Variants in KCTD5 observed in about 807,000 individuals in gnomAD.
KCTD5 encodes the protein potassium channel tetramerization domain containing 5, also known as BTB/POZ domain-containing protein KCTD5.
In KCTD5, 12 loss-of-function variants were observed where a neutral mutation model predicts 27.9. The ratio of observed to expected loss-of-function variants is 0.43; its 90% CI spans 0.28 to 0.70. KCTD5 has a LOEUF of 0.70. KCTD5 is among the 30% of genes least tolerant of loss of function. KCTD5 has a pLI of 0.19. For synonymous variants in KCTD5, 147 were observed against 121.4 expected, an observed-to-expected ratio of 1.21 and a Z score of -1.39; for missense variants, 226 against 274.8, an observed-to-expected ratio of 0.82 and a Z score of 1.26.
At chr16:2,700,192 C>G (rs1351634460) in intron 4 of KCTD5, among the ~76,000 whole-genome samples, 3 of 152,212 alleles carry the variant, frequency 2.0e-5, no homozygotes, top group Admixed American at 2.0e-4. Flanking sequence ...TTCGCATCAT[C>G]TGGCACCTCT....
At chr16:2,693,419 G>A (rs1013126069) in intron 1 of KCTD5, among the ~76,000 whole-genome samples, 1 of 152,234 alleles carries the variant, frequency 6.6e-6, no homozygotes, top group Non-Finnish European at 1.5e-5. Flanking sequence ...CTCCTAAAGG[G>A]GGTGTTTAAT....
chr16:2,693,930 C>G (rs2067578126), intron 1 of KCTD5, among the ~76,000 whole-genome samples: 1 of 148,052 alleles, frequency 6.8e-6, no homozygotes, highest in South Asian at 2.3e-4. Context: ...CCATGGCTGA[C>G]AAAGGGGTTC....
In KCTD5 at chr16:2,682,767, A is replaced by G. The variant is rs762493711; in HGVS notation, c.219A>G (p.Leu73=). Reference sequence around the variant, plus strand: ...ACCCGAAATCCTTCCTGTACCGCTTATGCCAGGCCGATCCCGACCTGGACT... The same window carrying G: ...ACCCGAAATCCTTCCTGTACCGCTTGTGCCAGGCCGATCCCGACCTGGACT... The part of the protein sequence containing the change: ...CRDPKSFLYR[L]CQADPDLDSD... Residue 73 remains leucine (L), a synonymous_variant, in exon 1 of 6, where the codon TTA becomes TTG. Transcript: ENST00000301738. 1.9e-6 allele frequency: 3 copies of G among 1,604,572 alleles called. No individual in the cohort carries two copies. The highest frequency in any genetic ancestry group is 1.7e-6 in the Non-Finnish European group (2 of 1,176,344).
intron 1 of KCTD5, among the ~76,000 whole-genome samples, 191 bp from the exon 2 acceptor site, chr16:2,695,743 AG>A (rs2067584098): frequency 2.2e-5 from 1 of 46,044 alleles, no homozygotes; most frequent in East Asian, 3.2e-4. Context: ...GTGGCTGGTC[AG>A]GGTTAGGCTG....
chr16:2,703,641 C>T (rs566432154), intron 5 of KCTD5, among the ~76,000 whole-genome samples: 4 of 152,302 alleles, frequency 2.6e-5, no homozygotes, highest in South Asian at 2.1e-4. Context: ...CGGAGGCCTG[C>T]GGCCAGCTCA....
At position 2,689,927 on chromosome 16, in the gene KCTD5, T is replaced by C. The variant is rs142394574; in HGVS notation, c.253-6008T>C. On this transcript the variant is annotated intron_variant, in intron 1 of 5. Coordinates refer to ENST00000301738, the MANE Select transcript of KCTD5 (RefSeq NM_018992.4). ...CTCACCTCAGGTAATCCGCCTGCCT[T>C]GGCCTCCCAAAGTGCTGGGATCACA... Among the ~76,000 whole-genome samples the C allele has an allele frequency of 7.7e-3, 1,177 of 152,312 alleles. 13 individuals are homozygous for C. Among genetic ancestry groups the C allele is most frequent in the African/African-American group, 0.027 (1,119 of 41,570 alleles).
At chr16:2,687,565 A>G (rs114937219) in intron 1 of KCTD5, among the ~76,000 whole-genome samples, 1,698 of 152,236 alleles carry the variant, frequency 0.011, 26 homozygotes, top group African/African-American at 0.037. Context: ...TTGCTTACGG[A>G]TTGTGTGTGG....
chr16:2,693,662 TG>T (rs2067576938), intron 1 of KCTD5, among the ~76,000 whole-genome samples: 1 of 152,186 alleles, frequency 6.6e-6, no homozygotes, highest in African/African-American at 2.4e-5. Flanking sequence ...GGTTGCCTCG[TG>T]TGTCTGGGGG....
At chr16:2,692,358 G>T (rs2067570226) in intron 1 of KCTD5, among the ~76,000 whole-genome samples, 1 of 152,328 alleles carries the variant, frequency 6.6e-6, no homozygotes, top group South Asian at 2.1e-4. Flanking sequence ...ACAGTGCAGA[G>T]GAGACTGTGG....
At chr16:2,707,226 T>G in intron 5 of KCTD5, 72 bp from the exon 6 acceptor site, 2 of 1,481,180 alleles carry the variant, frequency 1.4e-6, no homozygotes, top group South Asian at 2.4e-5. Flanking sequence ...GGCTCTGTTT[T>G]CTGGAGCAGG....
chr16:2,707,441 G>T lies in KCTD5; in HGVS notation c.*114G>T, dbSNP rs1361895530. 1.8e-6 allele frequency: 2 copies of T among 1,120,914 alleles called. No homozygotes were observed. The highest frequency in any genetic ancestry group is 2.5e-5 in the South Asian group (2 of 79,768). 69.4% of individuals were successfully genotyped at this position (1,120,914 alleles called of 1,614,324 possible). A position where few individuals can be genotyped will look rare whatever the true frequency, so the allele number is the denominator to read the frequency against. ...AAACCTGCTTTTGATCATTTTTCTA[G>T]AGATCTGGGTGTGAATCCTTTTTTG... On this transcript the variant is annotated 3_prime_UTR_variant, in exon 6 of 6. Transcript: ENST00000301738.
chr16:2,689,886 G>A (rs2067557657), intron 1 of KCTD5, among the ~76,000 whole-genome samples: 1 of 152,218 alleles, frequency 6.6e-6, no homozygotes, highest in Admixed American at 6.5e-5. Flanking sequence ...ATGTTGGTCA[G>A]GCTGGTGTTG....
chr16:2,702,208 A>G, intron 4 of KCTD5, 145 bp from the exon 5 acceptor site: 1 of 1,038,404 alleles, frequency 9.6e-7, no homozygotes, highest in Non-Finnish European at 1.4e-6. Flanking sequence ...TGTTCCGGGG[A>G]TTTGTTTTCC....
At position 2,682,744 on chromosome 16, in the gene KCTD5, C is replaced by A; in HGVS notation, c.196C>A (p.Pro66Thr). The change falls in exon 1 of 6, where the codon CCG (proline) becomes ACG (threonine). Residue 66 changes from proline to threonine, a missense_variant. Pro to Thr is a conservative substitution (Grantham distance 38). This residue lies in a region of KCTD5 where 135 missense variants were observed against 207.0 expected (regional missense o/e 0.65). Coordinates refer to ENST00000301738, the MANE Select transcript of KCTD5 (RefSeq NM_018992.4). Reference protein sequence around the residue: ...LTTRQTLCRDPKSFLYRLCQA... With the variant: ...LTTRQTLCRDTKSFLYRLCQA... Reference sequence around the variant, plus strand: ...CACTCGGCAGACCCTGTGCCGGGACCCGAAATCCTTCCTGTACCGCTTATG... The same window carrying A: ...CACTCGGCAGACCCTGTGCCGGGACACGAAATCCTTCCTGTACCGCTTATG... 1.2e-6 allele frequency: 2 copies of A among 1,609,758 alleles called. No individual in the cohort carries two copies. Among genetic ancestry groups the A allele is most frequent in the Non-Finnish European group, 1.7e-6 (2 of 1,178,510 alleles).
intron 5 of KCTD5, among the ~76,000 whole-genome samples, chr16:2,703,038 A>C (rs2067619660): frequency 6.6e-6 from 1 of 152,154 alleles, no homozygotes; most frequent in Non-Finnish European, 1.5e-5. Flanking sequence ...TGCGGCACCC[A>C]GCCTGGCAGC....
intron 4 of KCTD5, 89 bp from the exon 5 acceptor site, chr16:2,702,264 T>A: frequency 6.5e-7 from 1 of 1,535,546 alleles, no homozygotes; most frequent in East Asian, 2.3e-5. Context: ...GCTTTCGCGG[T>A]GGCAGGCGCG....
chr16:2,685,981 A>G (rs2067538536), intron 1 of KCTD5: 1 of 151,330 alleles, frequency 6.6e-6, no homozygotes, highest in Admixed American at 6.6e-5. Flanking sequence ...AGGTTGGGAG[A>G]GCACCCTGCT....
At chr16:2,700,863 C>G (rs770839019) in intron 4 of KCTD5, among the ~76,000 whole-genome samples, 53 of 152,178 alleles carry the variant, frequency 3.5e-4, no homozygotes, top group Admixed American at 7.8e-4. Flanking sequence ...CCCTGGACCC[C>G]TAGGCCGGGG....
intron 4 of KCTD5, among the ~76,000 whole-genome samples, chr16:2,701,588 G>T (rs1329765050): frequency 6.6e-6 from 1 of 152,246 alleles, no homozygotes; most frequent in Non-Finnish European, 1.5e-5. Context: ...AGCTATACAG[G>T]AGCAGCAGGT....
Sources: allele counts gnomAD v4.1 joint callset (sites outside exome capture counted in the v4.1 genomes callset), GRCh38; gene constraint gnomAD v4.1.1; regional missense constraint gnomAD v4.1.1; transcripts MANE v1.5; gene names NCBI Gene and HGNC (gene_info 2026-07-23, HGNC 2026-07-21).